PCDHGB1: variants seen among roughly 807,000 people sequenced by gnomAD.
The protein encoded by PCDHGB1 is protocadherin gamma subfamily B, 1, also known as protocadherin gamma-B1.
Under a neutral mutation model 56.6 loss-of-function variants are expected in PCDHGB1, and 34 were observed. That is an observed-to-expected ratio of 0.60 (90% confidence interval 0.46 to 0.80). PCDHGB1 has a LOEUF of 0.80. PCDHGB1 is among the 30% of genes least tolerant of loss of function. The pLI is 0.00. For synonymous variants in PCDHGB1, 561 were observed against 505.9 expected, an observed-to-expected ratio of 1.11 and a Z score of -1.46; for missense variants, 1,278 against 1,204.6, an observed-to-expected ratio of 1.06 and a Z score of -0.90.
chr5:141,485,408 T>G lies in PCDHGB1; in HGVS notation c.2410-9399T>G. On this transcript the variant is annotated intron_variant, in intron 1 of 3. Transcript: ENST00000523390. The surrounding 1 kb of genome is among the most constrained non-coding windows in gnomAD (Gnocchi z 5.7). ...GAACCAAAGACACTTCCGTGTGGAT[T>G]TGGACAGCGGAGCCCTGCTCATCAA... 1 of 1,614,112 alleles carries G rather than the reference T, an allele frequency of 6.2e-7. No individual in the cohort carries two copies. The highest frequency in any genetic ancestry group is 8.5e-7 in the Non-Finnish European group (1 of 1,180,034).
At chr5:141,370,427 A>G (rs372276982) in intron 1 of PCDHGB1, 205 of 1,590,086 alleles carry the variant, frequency 1.3e-4, no homozygotes, top group Non-Finnish European at 1.7e-4. Context: ...GGGGCCCAGC[A>G]GGGCAGAGGC....
intron 1 of PCDHGB1, among the ~76,000 whole-genome samples, chr5:141,442,736 A>C (rs2098340663): frequency 6.6e-6 from 1 of 152,226 alleles, no homozygotes; most frequent in African/African-American, 2.4e-5. Flanking sequence ...CCTGTAGGTA[A>C]GGAGCATGTT....
At chr5:141,360,081 C>A (rs1380331452) in intron 1 of PCDHGB1, 2 of 1,486,164 alleles carry the variant, frequency 1.3e-6, no homozygotes, top group Non-Finnish European at 1.8e-6. Context: ...CCGGATTCTG[C>A]CATCCCCGGA....
At chr5:141,395,815 A>T (rs1243382510) in intron 1 of PCDHGB1, 1 of 152,044 alleles carries the variant, frequency 6.6e-6, no homozygotes, top group Non-Finnish European at 1.5e-5. Context: ...AAACATGAAC[A>T]AACTTTAAAG....
At position 141,438,623 on chromosome 5, in the gene PCDHGB1, TATATATATATATAC is replaced by T. The variant is rs537048311; in HGVS notation, c.2410-56182_2410-56169del. Among the ~76,000 whole-genome samples the T allele has an allele frequency of 0.015, 646 of 42,812 alleles. 25 individuals are homozygous for T. In the East Asian group the frequency reaches 0.19, roughly 12 times the overall value. The allele number at this position is 42,812 out of a possible 152,430, so 28.1% of individuals were successfully genotyped here. A position where few individuals can be genotyped will look rare whatever the true frequency, so the allele number is the denominator to read the frequency against. On this transcript the variant is annotated intron_variant, in intron 1 of 3. Transcript: ENST00000523390. ...ATATATATATATATATATATATATA[TATATATATATATAC>T]ACACACACACACACATATATGTATA...
intron 1 of PCDHGB1, chr5:141,356,930 T>C (rs1448089911): frequency 6.2e-7 from 1 of 1,614,192 alleles, no homozygotes; most frequent in East Asian, 2.2e-5. Flanking sequence ...GGTGTGGAGC[T>C]GGCACCCCGC....
chr5:141,360,756 A>C lies in PCDHGB1; in HGVS notation c.2409+8087A>C, dbSNP rs377534214. 274 of 1,614,010 alleles carry C rather than the reference A, an allele frequency of 1.7e-4. No individual in the cohort carries two copies. Among genetic ancestry groups the C allele is most frequent in the Non-Finnish European group, 2.2e-4 (262 of 1,179,904 alleles). On this transcript the variant is annotated intron_variant, in intron 1 of 3. Coordinates refer to ENST00000523390, the MANE Select transcript of PCDHGB1 (RefSeq NM_018922.3). ...CTCTGGACAGAGAAGAGCACAGTTT[A>C]CATCAATTGGTCCTCACAGCTGTGG...
chr5:141,357,033 C>T (rs1760437064), intron 1 of PCDHGB1: 2 of 1,614,068 alleles, frequency 1.2e-6, no homozygotes. Flanking sequence ...TACTCAAGTC[C>T]AGCGAGCCGG....
chr5:141,387,209 T>A lies in PCDHGB1; in HGVS notation c.2409+34540T>A, dbSNP rs911946032. Among the ~76,000 whole-genome samples, 3 of 152,170 alleles carry A rather than the reference T, an allele frequency of 2.0e-5. No individual in the cohort carries two copies. In the South Asian group the frequency reaches 6.2e-4, roughly 31 times the overall value. On this transcript the variant is annotated intron_variant, in intron 1 of 3. Coordinates refer to ENST00000523390, the MANE Select transcript of PCDHGB1 (RefSeq NM_018922.3). ...GGCAATTTTGGTATTACTGATACTC[T>A]CCGGAAAAAGTTGAAATAAATCAAC...
At chr5:141,427,006 G>C (rs1288837425) in intron 1 of PCDHGB1, 3 of 456,792 alleles carry the variant, frequency 6.6e-6, no homozygotes, top group South Asian at 3.1e-5. Flanking sequence ...CCAGTTTTTA[G>C]CCAGGATGTA....
At chr5:141,417,555 TAGAGA>T (rs926975589) in intron 1 of PCDHGB1, 38 of 335,630 alleles carry the variant, frequency 1.1e-4, no homozygotes, top group Non-Finnish European at 1.5e-4. Context: ...TTGAAAGAGG[TAGAGA>T]AAAGTCAAGT....
intron 1 of PCDHGB1, chr5:141,383,623 T>C: frequency 6.2e-7 from 1 of 1,613,932 alleles, no homozygotes; most frequent in South Asian, 1.1e-5. Flanking sequence ...CACGCCTGTC[T>C]TCTCTCTGCC....
chr5:141,421,829 T>C, intron 1 of PCDHGB1: 1 of 1,613,784 alleles, frequency 6.2e-7, no homozygotes, highest in Non-Finnish European at 8.5e-7. Flanking sequence ...GAGGGAAGCC[T>C]GGACCGAGAG....
chr5:141,454,874 C>A (rs1002727777), intron 1 of PCDHGB1, among the ~76,000 whole-genome samples: 4 of 123,066 alleles, frequency 3.3e-5, no homozygotes, highest in African/African-American at 1.2e-4. Flanking sequence ...GTGGCACGAT[C>A]TTGGCTCACT....
Position 141,477,209 on chromosome 5 carries a change from G to A in PCDHGB1, c.2410-17598G>A. ...CGTGTACAGCCCAGTACCCGAGGAT[G>A]CCCCTCTGGGGACTGTCATCGCTTT... is the stretch of plus-strand genomic sequence containing the variant. On this transcript the variant is annotated intron_variant, in intron 1 of 3. Coordinates refer to ENST00000523390, the MANE Select transcript of PCDHGB1 (RefSeq NM_018922.3). This position sits in a 1 kb window ranked among gnomAD's most constrained non-coding sequence, Gnocchi z 4.9. The A allele has an allele frequency of 6.2e-7, 1 of 1,614,194 alleles. No homozygotes were observed.
chr5:141,393,934 A>G, intron 1 of PCDHGB1: 3 of 1,613,984 alleles, frequency 1.9e-6, no homozygotes, highest in Non-Finnish European at 2.5e-6. Context: ...GTGCATGACC[A>G]AGACTCTGGA....
Position 141,364,472 on chromosome 5 carries a change from A to G in PCDHGB1, c.2409+11803A>G, listed in dbSNP as rs375080558. On this transcript the variant is annotated intron_variant, in intron 1 of 3. Coordinates refer to ENST00000523390, the MANE Select transcript of PCDHGB1 (RefSeq NM_018922.3). ...GGACAAAGGCTCCTTCGTCGGCAAC[A>G]TAGCCAAGGACCTTGGGCTGGAGCC... is the stretch of plus-strand genomic sequence containing the variant. The G allele has an allele frequency of 5.6e-6, 9 of 1,614,038 alleles. No individual in the cohort carries two copies. Among genetic ancestry groups the G allele is most frequent in the South Asian group, 2.2e-5 (2 of 91,086 alleles).
intron 1 of PCDHGB1, chr5:141,422,893 C>T (rs1405800318): frequency 3.1e-6 from 5 of 1,614,128 alleles, no homozygotes; most frequent in Admixed American, 3.3e-5. Flanking sequence ...CGTGCTGGAC[C>T]AGAACGACAA....
rs759041753 is a variant in PCDHGB1 at position 141,388,806 on chromosome 5, G to A, written c.2409+36137G>A. 32 of 1,613,842 alleles carry A rather than the reference G, an allele frequency of 2.0e-5. No individual in the cohort carries two copies. Among genetic ancestry groups the A allele is most frequent in the Non-Finnish European group, 2.5e-5 (29 of 1,179,864 alleles). On this transcript the variant is annotated intron_variant, in intron 1 of 3. Coordinates refer to ENST00000523390, the MANE Select transcript of PCDHGB1 (RefSeq NM_018922.3). Reference sequence around the variant, plus strand: ...TACTGTTTTAAATACATTAGATTTTGAAGAAGTCAAAGAATATTCCATAGT... The same window carrying A: ...TACTGTTTTAAATACATTAGATTTTAAAGAAGTCAAAGAATATTCCATAGT...
Sources: allele counts gnomAD v4.1 joint callset (sites outside exome capture counted in the v4.1 genomes callset), GRCh38; gene constraint gnomAD v4.1.1; non-coding constraint Gnocchi (gnomAD v3.1); transcripts MANE v1.5; gene names NCBI Gene and HGNC (gene_info 2026-07-23, HGNC 2026-07-21).